The following PARL variants were observed in gnomAD, a reference collection of about 807,000 sequenced individuals.
The protein encoded by PARL is presenilin associated rhomboid like.
In PARL, 44 loss-of-function variants were observed where a neutral mutation model predicts 51.6. The ratio of observed to expected loss-of-function variants is 0.85; its 90% confidence interval spans 0.67 to 1.10. The LOEUF is 1.10. PARL is among the 50% of genes least tolerant of loss of function. The pLI, the probability that PARL is intolerant of heterozygous loss-of-function variation, is 0.00. For synonymous variants in PARL, 172 were observed against 164.0 expected, an observed-to-expected ratio of 1.05 and a Z score of -0.37; for missense variants, 441 against 469.5, an observed-to-expected ratio of 0.94 and a Z score of 0.56.
At chr3:183,842,007 C>CA (rs1249569620) in intron 6 of PARL, among the ~76,000 whole-genome samples, 1 of 152,156 alleles carries the variant, frequency 6.6e-6, no homozygotes, top group Non-Finnish European at 1.5e-5. Flanking sequence ...GATGAGATTA[C>CA]AAAAATGACA....
At chr3:183,833,655 G>A (rs1443011439) in intron 8 of PARL, 66 bp from the exon 9 acceptor site, 19 of 1,475,030 alleles carry the variant, frequency 1.3e-5, no homozygotes, top group Non-Finnish European at 1.7e-5. Context: ...TCTAACTTAA[G>A]GGCAAGAACC....
At chr3:183,869,391 A>G (rs988935956) in intron 1 of PARL, among the ~76,000 whole-genome samples, 5 of 152,070 alleles carry the variant, frequency 3.3e-5, no homozygotes, top group African/African-American at 1.2e-4. Flanking sequence ...TATTTTTAGT[A>G]GATATGGGGT....
In PARL at chr3:183,876,647, A is replaced by AAAAG. The variant is rs147502435; in HGVS notation, c.125+8071_125+8074dup. On this transcript the variant is annotated intron_variant, in intron 1 of 9. Coordinates refer to ENST00000317096, the MANE Select transcript of PARL (RefSeq NM_018622.7). ...AAAAAAAAAAAAAAAAAGAAAAAGA[A>AAAAG]AAAGAAAGAAAGAAAGAAAGAAAAA... Among the ~76,000 whole-genome samples the AAAAG allele has an allele frequency of 8.9e-4, 122 of 137,710 alleles. 1 individual carries two copies. Among genetic ancestry groups the AAAAG allele is most frequent in the African/African-American group, 3.4e-3 (118 of 34,686 alleles). 90.3% of individuals were successfully genotyped at this position (137,710 alleles called of 152,430 possible).
rs1727665991 is a variant in PARL, at chr3:183,829,507, A to G, written c.*91T>C. ...GAGGCCAGATGCTGGCATCTTCCAGACGGGAGCATAGCCATGGTCACTCTA... is the reference window on the plus strand; with the variant it reads ...GAGGCCAGATGCTGGCATCTTCCAGGCGGGAGCATAGCCATGGTCACTCTA... On this transcript the variant is annotated 3_prime_UTR_variant, in exon 10 of 10. Transcript: ENST00000317096. The G allele has an allele frequency of 1.2e-6, 2 of 1,612,994 alleles. No homozygotes were observed. Among genetic ancestry groups the G allele is most frequent in the Admixed American group, 3.3e-5 (2 of 60,016 alleles).
At chr3:183,842,053 G>A (rs1323925494) in intron 6 of PARL, among the ~76,000 whole-genome samples, 1 of 152,166 alleles carries the variant, frequency 6.6e-6, no homozygotes, top group Admixed American at 6.5e-5. Context: ...CTTAACGCCT[G>A]TTTATCCTAA....
intron 7 of PARL, among the ~76,000 whole-genome samples, chr3:183,839,727 C>T (rs1015985914): frequency 2.0e-5 from 3 of 149,386 alleles, no homozygotes; most frequent in African/African-American, 7.4e-5. Context: ...CCTCAAAACA[C>T]ACTTAAAAAA....
chr3:183,833,750 G>C lies in PARL; in HGVS notation c.904C>G (p.Pro302Ala). ...PEGRLAIIFL[P>A]MFTFTAGNAL... ...TTCCCTGCTGTGAACGTGAACATCG[G>C]AAGGAAAATAATGGCAAGCCTCCCT... Residue 302 changes from proline (P) to alanine (A), a missense_variant, in exon 8 of 10, where the codon CCG becomes GCG. Transcript: ENST00000317096. 3 of 1,611,760 alleles carry C rather than the reference G, an allele frequency of 1.9e-6. No individual in the cohort carries two copies. The highest frequency in any genetic ancestry group is 2.5e-6 in the Non-Finnish European group (3 of 1,177,804).
intron 1 of PARL, among the ~76,000 whole-genome samples, chr3:183,881,420 C>A (rs900031439): frequency 3.3e-5 from 5 of 152,236 alleles, no homozygotes; most frequent in Admixed American, 2.6e-4. Context: ...CTATGCCCAG[C>A]CTGTGCATTG....
At chr3:183,869,601 TTA>T (rs1732941382) in intron 1 of PARL, among the ~76,000 whole-genome samples, 1 of 151,634 alleles carries the variant, frequency 6.6e-6, no homozygotes, top group East Asian at 1.9e-4. Flanking sequence ...TTCAAAGATA[TTA>T]TATATATAAC....
rs567158760 is a variant in PARL, at chr3:183,844,269, C to A, written c.569G>T (p.Arg190Leu). The A allele has an allele frequency of 6.2e-7, 1 of 1,608,956 alleles. No individual in the cohort carries two copies. The highest frequency in any genetic ancestry group is 1.1e-5 in the South Asian group (1 of 90,960). ...CGATGTGAAATATCTGATCATTGTC[C>A]GCTGCAGAGAAGGTACTCTCCATAA... is the stretch of plus-strand genomic sequence containing the variant. Reference protein sequence around the residue: ...FCLWRVPSLQRTMIRYFTSNP... With the variant: ...FCLWRVPSLQLTMIRYFTSNP... Residue 190 changes from arginine (R) to leucine (L), a missense_variant, in exon 5 of 10, where the codon CGG (arginine) becomes CTG (leucine). Arg to Leu is a moderately radical substitution (Grantham distance 102). Transcript: ENST00000317096.
At chr3:183,827,173 G>A (rs1421633425), downstream of PARL, among the ~76,000 whole-genome samples, 2 of 151,974 alleles carry the variant, frequency 1.3e-5, no homozygotes, top group African/African-American at 2.4e-5. Flanking sequence ...TCATATGGCC[G>A]GGTGCAGATG....
At chr3:183,839,488 A>G (rs1577294862) in intron 7 of PARL, among the ~76,000 whole-genome samples, 1 of 152,028 alleles carries the variant, frequency 6.6e-6, no homozygotes, top group African/African-American at 2.4e-5. Context: ...GTGCAATCTC[A>G]GCTCACTGCA....
intron 4 of PARL, chr3:183,846,491 C>CAA (rs1210443521): frequency 6.3e-4 from 481 of 763,572 alleles, no homozygotes; most frequent in African/African-American, 9.6e-4. Context: ...GAAACTGTCT[C>CAA]AAAAAAAAAA....
At chr3:183,884,600 G>A (rs1734909450) in intron 1 of PARL, 122 bp downstream of exon 1, 2 of 944,328 alleles carry the variant, frequency 2.1e-6, no homozygotes, top group Non-Finnish European at 3.2e-6. Flanking sequence ...AGAAGGGGCA[G>A]GTAAGGTGAA....
At chr3:183,850,571 T>A (rs951983050) in intron 4 of PARL, among the ~76,000 whole-genome samples, 4 of 152,194 alleles carry the variant, frequency 2.6e-5, no homozygotes, top group African/African-American at 9.7e-5. Context: ...AACTGGGAAA[T>A]TCTACCAAAT....
At chr3:183,831,786 T>C (rs879640314) in intron 9 of PARL, among the ~76,000 whole-genome samples, 1 of 152,140 alleles carries the variant, frequency 6.6e-6, no homozygotes, top group Non-Finnish European at 1.5e-5. Flanking sequence ...TAAATCTAGA[T>C]TAAAGCTTTT....
intron 9 of PARL, among the ~76,000 whole-genome samples, chr3:183,832,570 C>T (rs1040969203): frequency 5.3e-5 from 8 of 151,858 alleles, no homozygotes; most frequent in Non-Finnish European, 2.9e-5. Context: ...TCCATTGTCG[C>T]GGAACAAAAT....
At position 183,829,404 on chromosome 3, in the gene PARL, GA is replaced by G. The variant is rs1727651002; in HGVS notation, c.*193del. 1 of 1,517,230 alleles carries G rather than the reference GA, an allele frequency of 6.6e-7. No individual in the cohort carries two copies. 94.0% of individuals were successfully genotyped at this position (1,517,230 alleles called of 1,614,324 possible). ...CACACATCTGCTTACAAACTAGATA[GA>G]AACCTTTATTTCACAACTTTATCAT... On this transcript the variant is annotated 3_prime_UTR_variant, in exon 10 of 10. Coordinates refer to ENST00000317096, the MANE Select transcript of PARL (RefSeq NM_018622.7).
intron 4 of PARL, among the ~76,000 whole-genome samples, chr3:183,848,332 C>T (rs1730190903): frequency 1.3e-5 from 2 of 152,192 alleles, no homozygotes; most frequent in South Asian, 2.1e-4. Flanking sequence ...AGCTCCGCCT[C>T]CCGGGTTCAC....
Sources: allele counts gnomAD v4.1 joint callset (sites outside exome capture counted in the v4.1 genomes callset), GRCh38; gene constraint gnomAD v4.1.1; transcripts MANE v1.5; gene names NCBI Gene and HGNC (gene_info 2026-07-23, HGNC 2026-07-21).